Variants in NCKAP5 observed in about 807,000 individuals in gnomAD.
NCKAP5 encodes nck-associated protein 5.
In NCKAP5, 92 loss-of-function variants were observed where a neutral mutation model predicts 167.0. The ratio of observed to expected loss-of-function variants is 0.55; its 90% CI spans 0.47 to 0.66. NCKAP5 has a LOEUF of 0.66. NCKAP5 is among the 30% of genes least tolerant of loss of function. NCKAP5 has a pLI of 0.00. For synonymous variants in NCKAP5, 891 were observed against 877.4 expected (o/e 1.02, Z -0.27); for missense variants, 2,378 against 2,315.0 (o/e 1.03, Z -0.56).
intron 11 of NCKAP5, among the ~76,000 whole-genome samples, chr2:132,858,410 C>T (rs1255924407): frequency 1.3e-5 from 2 of 152,188 alleles, no homozygotes; most frequent in Non-Finnish European, 2.9e-5. Context: ...CCACTCAACG[C>T]ATAATGACTG....
chr2:132,683,655 A>G (rs732408), intron 19 of NCKAP5, among the ~76,000 whole-genome samples: 1,809 of 152,292 alleles, frequency 0.012, 63 homozygotes, highest in East Asian at 0.074. Context: ...GCACCAACCT[A>G]ATAGATGGTA....
chr2:132,773,062 A>G (rs530072672), intron 16 of NCKAP5, among the ~76,000 whole-genome samples: 4 of 152,312 alleles, frequency 2.6e-5, no homozygotes, highest in African/African-American at 9.6e-5. Flanking sequence ...ATGATGCCTC[A>G]GTGTCTTGTG....
At chr2:133,622,541 G>GCAAACA in the NCKAP5 span, among the ~76,000 whole-genome samples, 1 of 151,460 alleles carries the variant, frequency 6.6e-6, no homozygotes, top group African/African-American at 2.4e-5. Flanking sequence ...CACCATAGCT[G>GCAAACA]CAAACACAAA....
chr2:133,124,973 G>A (rs1019980108), intron 6 of NCKAP5, among the ~76,000 whole-genome samples: 4 of 152,298 alleles, frequency 2.6e-5, no homozygotes, highest in Admixed American at 2.6e-4. Context: ...TTGAGCCCAG[G>A]AGGTGTAGGC....
At chr2:132,737,042 C>T (rs1381632264) in intron 16 of NCKAP5, among the ~76,000 whole-genome samples, 1 of 152,152 alleles carries the variant, frequency 6.6e-6, no homozygotes, top group African/African-American at 2.4e-5. Context: ...CTCACAGTTA[C>T]CACCACCATC....
rs189808299 is a variant in NCKAP5, at chr2:133,031,100, T to A, written c.342-36861A>T. 1.1e-4 allele frequency among the ~76,000 whole-genome samples: 16 copies of A among 152,030 alleles called. No individual in the cohort carries two copies. The East Asian group carries it at 3.1e-3, about 29-fold the overall frequency. On this transcript the variant is annotated intron_variant, in intron 6 of 19. Transcript: ENST00000409261. The stretch of plus-strand genomic sequence containing the variant: ...CTACAAGGACACCAAGTTAACAACT[T>A]CATATACAGAAAAAAAAAACACCTT...
chr2:133,192,015 T>A (rs1197899430), intron 5 of NCKAP5, among the ~76,000 whole-genome samples: 1 of 151,920 alleles, frequency 6.6e-6, no homozygotes, highest in African/African-American at 2.4e-5. Context: ...AAATGAAGAA[T>A]AAAGTGAGAT....
chr2:132,800,360 T>A lies in NCKAP5; in HGVS notation c.808-3631A>T, dbSNP rs1005256754. Among the ~76,000 whole-genome samples the A allele has an allele frequency of 1.2e-4, 18 of 152,224 alleles. 1 individual carries two copies. Among genetic ancestry groups the A allele is most frequent in the Admixed American group, 5.2e-4 (8 of 15,292 alleles). On this transcript the variant is annotated intron_variant, in intron 11 of 19. Transcript: ENST00000409261. ...TCCCAATGAATTCTGGAGTTAGACA[T>A]ACTTGTTTTATTTTAGACATGAAAA...
intron 12 of NCKAP5, among the ~76,000 whole-genome samples, chr2:132,795,492 C>G (rs1463394420): frequency 6.6e-6 from 1 of 152,014 alleles, no homozygotes; most frequent in African/African-American, 2.4e-5. Context: ...GTGAGAAATG[C>G]AGTATAAAAT....
At chr2:133,197,178 C>A (rs551359365) in intron 5 of NCKAP5, among the ~76,000 whole-genome samples, 11 of 152,218 alleles carry the variant, frequency 7.2e-5, no homozygotes, top group Admixed American at 2.0e-4. Flanking sequence ...ATCAAAGGAG[C>A]AATACCATAA....
chr2:133,016,182 C>T (rs556398474), intron 6 of NCKAP5, among the ~76,000 whole-genome samples: 197 of 152,284 alleles, frequency 1.3e-3, no homozygotes, highest in Non-Finnish European at 2.4e-3. Context: ...CGCAGTAAAA[C>T]CAAATAAAAT....
intron 6 of NCKAP5, among the ~76,000 whole-genome samples, chr2:133,090,448 T>A (rs1164389573): frequency 1.3e-5 from 2 of 151,806 alleles, no homozygotes; most frequent in African/African-American, 2.4e-5. Context: ...TGGGAGACCA[T>A]GGAGGCAGAA....
chr2:132,851,776 T>G (rs1689099611), intron 11 of NCKAP5, among the ~76,000 whole-genome samples: 1 of 152,184 alleles, frequency 6.6e-6, no homozygotes, highest in South Asian at 2.1e-4. Context: ...CTGCGTCAGA[T>G]TGCAAATCAC....
intron 3 of NCKAP5, among the ~76,000 whole-genome samples, chr2:133,394,657 A>T (rs896349092): frequency 1.1e-4 from 16 of 152,242 alleles, no homozygotes; most frequent in Non-Finnish European, 4.4e-5. Context: ...ATACATAGTG[A>T]CGTTTCTTTA....
At chr2:133,238,159 T>C (rs1007527651) in intron 4 of NCKAP5, among the ~76,000 whole-genome samples, 1 of 152,224 alleles carries the variant, frequency 6.6e-6, no homozygotes, top group Non-Finnish European at 1.5e-5. Context: ...AGTGACACTT[T>C]AATTATATGA....
intron 6 of NCKAP5, among the ~76,000 whole-genome samples, chr2:133,076,113 T>A (rs2080592131): frequency 1.3e-5 from 2 of 152,242 alleles, no homozygotes; most frequent in Non-Finnish European, 1.5e-5. Context: ...CACAATTTTA[T>A]GTATTTATTA....
chr2:132,801,838 AT>A (rs1188903417), intron 11 of NCKAP5, among the ~76,000 whole-genome samples: 1 of 152,122 alleles, frequency 6.6e-6, no homozygotes, highest in Non-Finnish European at 1.5e-5. Flanking sequence ...ACTGTCCTTT[AT>A]CTGGCAGGAT....
intron 5 of NCKAP5, among the ~76,000 whole-genome samples, chr2:133,176,017 G>C (rs1430362910): frequency 6.6e-6 from 1 of 152,154 alleles, no homozygotes. Flanking sequence ...TGCTAACAAA[G>C]AGCCTGATGC....
chr2:133,299,242 C>T (rs1321412769), intron 4 of NCKAP5, among the ~76,000 whole-genome samples: 11 of 151,966 alleles, frequency 7.2e-5, no homozygotes, highest in Admixed American at 7.2e-4. Context: ...TAGCACTTTA[C>T]CCAAGACCTA....
Sources: gnomAD v4.1 joint callset for allele counts (sites outside exome capture counted in the v4.1 genomes callset) on GRCh38, gnomAD v4.1.1 for gene constraint, MANE v1.5 for transcripts, NCBI Gene and HGNC (gene_info 2026-07-23, HGNC 2026-07-21) for gene names.